Variants in LIN7A observed in about 807,000 individuals in gnomAD.
LIN7A encodes the protein lin-7 cell polarity scaffold A.
A neutral mutation model predicts 29.8 loss-of-function variants in LIN7A; 25 were observed. The ratio of observed to expected loss-of-function variants is 0.84; its 90% CI spans 0.61 to 1.17. The LOEUF (loss-of-function observed/expected upper bound fraction) is 1.17. Ranked by LOEUF, LIN7A falls within the 50% of genes most tolerant of loss-of-function variation. LIN7A has a pLI of 0.00. For synonymous variants in LIN7A, 118 were observed against 107.5 expected, an observed-to-expected ratio of 1.10 and a Z score of -0.60; for missense variants, 239 against 287.0, an observed-to-expected ratio of 0.83 and a Z score of 1.21.
intron 2 of LIN7A, among the ~76,000 whole-genome samples, chr12:80,865,279 A>G (rs937664598): frequency 6.6e-5 from 10 of 152,224 alleles, no homozygotes; most frequent in Non-Finnish European, 1.5e-4. Flanking sequence ...CTACACTGAT[A>G]TGACCTATGA....
At chr12:80,898,610 A>T (rs1876034555) in intron 1 of LIN7A, among the ~76,000 whole-genome samples, 1 of 80,562 alleles carries the variant, frequency 1.2e-5, no homozygotes, top group South Asian at 6.8e-4. Flanking sequence ...CTTCCTATCC[A>T]TGAGCAGAGT....
chr12:80,809,053 T>C (rs1871169919), intron 5 of LIN7A, among the ~76,000 whole-genome samples: 1 of 151,716 alleles, frequency 6.6e-6, no homozygotes, highest in Non-Finnish European at 1.5e-5. Flanking sequence ...TGGCTCGATC[T>C]CGGCTTACTG....
chr12:80,887,608 C>A (rs1875396535), intron 2 of LIN7A, among the ~76,000 whole-genome samples: 1 of 152,104 alleles, frequency 6.6e-6, no homozygotes, highest in Non-Finnish European at 1.5e-5. Context: ...ACTTAATTAG[C>A]TTTTATTGCT....
intron 1 of LIN7A, among the ~76,000 whole-genome samples, chr12:80,914,664 G>A (rs548845254): frequency 1.2e-4 from 18 of 152,270 alleles, no homozygotes; most frequent in African/African-American, 4.3e-4. Context: ...ACTGCCCACA[G>A]TCATATCAAA....
At chr12:80,927,208 C>T (rs545422530) in intron 1 of LIN7A, among the ~76,000 whole-genome samples, 173 of 122,922 alleles carry the variant, frequency 1.4e-3, no homozygotes, top group African/African-American at 4.8e-3. Context: ...GTCGCCCAGG[C>T]TGGAGTGCAG....
intron 2 of LIN7A, among the ~76,000 whole-genome samples, chr12:80,877,015 G>C (rs1398086347): frequency 6.6e-6 from 1 of 151,592 alleles, no homozygotes; most frequent in Admixed American, 6.6e-5. Context: ...CCAGCTACTG[G>C]GGAGGCTAAG....
intron 2 of LIN7A, among the ~76,000 whole-genome samples, chr12:80,883,414 A>G (rs751278076): frequency 3.9e-5 from 6 of 152,220 alleles, no homozygotes; most frequent in Non-Finnish European, 8.8e-5. Context: ...GCTACTTCTC[A>G]TATGGTTGTG....
At chr12:80,932,764 A>G (rs1040264848) in intron 1 of LIN7A, among the ~76,000 whole-genome samples, 1 of 152,220 alleles carries the variant, frequency 6.6e-6, no homozygotes, top group African/African-American at 2.4e-5. Context: ...GAGCTACCAT[A>G]CTTTAGAAAG....
chr12:80,902,060 ATCT>A (rs1430561639), intron 1 of LIN7A, among the ~76,000 whole-genome samples: 1 of 152,104 alleles, frequency 6.6e-6, no homozygotes, highest in Non-Finnish European at 1.5e-5. Context: ...TCCAGCTTCA[ATCT>A]TCTGTGTATG....
At chr12:80,807,592 T>G (rs557879406) in intron 5 of LIN7A, among the ~76,000 whole-genome samples, 1 of 152,300 alleles carries the variant, frequency 6.6e-6, no homozygotes, top group East Asian at 1.9e-4. Context: ...ATTAGGAGAA[T>G]TGGTATAAGT....
chr12:80,842,581 T>G (rs570811395), intron 4 of LIN7A, among the ~76,000 whole-genome samples: 1 of 152,202 alleles, frequency 6.6e-6, no homozygotes, highest in South Asian at 2.1e-4. Flanking sequence ...AAAATATAAA[T>G]CATTCAATCA....
intron 2 of LIN7A, among the ~76,000 whole-genome samples, chr12:80,852,390 C>A (rs559370941): frequency 6.6e-6 from 1 of 152,028 alleles, no homozygotes; most frequent in Admixed American, 6.6e-5. Flanking sequence ...GGATGACAAG[C>A]CTTTATTGTG....
chr12:80,929,371 G>C (rs139787092), intron 1 of LIN7A, among the ~76,000 whole-genome samples: 46 of 152,154 alleles, frequency 3.0e-4, no homozygotes, highest in African/African-American at 8.9e-4. Context: ...ATATTGGTAG[G>C]GTTGGCCAAA....
chr12:80,915,731 T>C (rs1207696355), intron 1 of LIN7A, among the ~76,000 whole-genome samples: 4 of 152,216 alleles, frequency 2.6e-5, no homozygotes, highest in Non-Finnish European at 4.4e-5. Context: ...AGCAACTGGA[T>C]GGATGCAGCT....
chr12:80,935,364 T>TA (rs1293127402), intron 1 of LIN7A, among the ~76,000 whole-genome samples: 7 of 152,258 alleles, frequency 4.6e-5, no homozygotes, highest in Admixed American at 2.0e-4. Flanking sequence ...GACCAAAAAC[T>TA]GAGTCCTAAC....
intron 1 of LIN7A, among the ~76,000 whole-genome samples, chr12:80,909,705 T>TAACTTCCA (rs1209677485): frequency 6.6e-5 from 10 of 152,160 alleles, no homozygotes; most frequent in Admixed American, 1.3e-4. Context: ...CTCCTAATAG[T>TAACTTCCA]ACGGCCTTGG....
At chr12:80,904,540 T>A (rs1223086736) in intron 1 of LIN7A, among the ~76,000 whole-genome samples, 1 of 152,188 alleles carries the variant, frequency 6.6e-6, no homozygotes, top group Non-Finnish European at 1.5e-5. Flanking sequence ...GCAGTATTTG[T>A]TTTCCTGTGT....
intron 1 of LIN7A, among the ~76,000 whole-genome samples, chr12:80,891,718 C>A (rs982821704): frequency 6.6e-6 from 1 of 152,134 alleles, no homozygotes; most frequent in Non-Finnish European, 1.5e-5. Flanking sequence ...CATTTATCAT[C>A]ATCAAAGAAG....
intron 1 of LIN7A, among the ~76,000 whole-genome samples, chr12:80,914,228 G>A (rs909745454): frequency 2.0e-5 from 3 of 152,106 alleles, no homozygotes; most frequent in East Asian, 1.9e-4. Flanking sequence ...ATCGGGTTCC[G>A]TGAACAGAGT....
Sources: allele counts gnomAD v4.1 joint callset (sites outside exome capture counted in the v4.1 genomes callset), GRCh38; gene constraint gnomAD v4.1.1; transcripts MANE v1.5; gene names NCBI Gene and HGNC (gene_info 2026-07-23, HGNC 2026-07-21).